Variants in APLP2 observed in about 807,000 individuals in gnomAD.
APLP2 encodes the protein CDEI box-binding protein.
APLP2 carries 53 observed loss-of-function variants against 89.9 expected under a neutral mutation model. The observed-to-expected ratio is 0.59, with a 90% CI of 0.47 to 0.74. APLP2 has a LOEUF of 0.74. APLP2 is among the 30% of genes least tolerant of loss of function. The pLI, the probability that APLP2 is intolerant of heterozygous loss-of-function variation, is 0.00. For missense variants in APLP2, 973 were observed against 975.9 expected, an observed-to-expected ratio of 1.00 and a Z score of 0.04; for synonymous variants, 372 against 348.6, an observed-to-expected ratio of 1.07 and a Z score of -0.75.
At position 130,083,672 on chromosome 11, in the gene APLP2, A is replaced by G. The variant is rs977780669; in HGVS notation, c.105+13590A>G. ...TGTGGCAGAATTTACATTTTTTTTA[A>G]GGCTGAACAATATTCCATTTTATGT... On this transcript the variant is annotated intron_variant, in intron 1 of 16. Coordinates refer to ENST00000338167, the MANE Select transcript of APLP2 (RefSeq NM_001142276.2). Among the ~76,000 whole-genome samples the G allele has an allele frequency of 2.0e-5, 3 of 151,926 alleles. No individual in the cohort carries two copies. The East Asian group carries it at 5.8e-4, about 29-fold the overall frequency.
At chr11:130,091,387 C>G (rs1241545642) in intron 1 of APLP2, among the ~76,000 whole-genome samples, 12 of 147,370 alleles carry the variant, frequency 8.1e-5, no homozygotes, top group African/African-American at 2.9e-4. Context: ...TACCTCCCTC[C>G]CGGATGGGGC....
intron 1 of APLP2, chr11:130,070,434 A>C (rs1940740374): frequency 1.9e-5 from 7 of 370,636 alleles, no homozygotes; most frequent in East Asian, 1.5e-4. Context: ...GGACAATGCC[A>C]GGGCGCTCCT....
Position 130,143,343 on chromosome 11 carries a change from C to T in APLP2, c.2155-4C>T. The T allele has an allele frequency of 3.1e-6, 5 of 1,613,754 alleles. No individual in the cohort carries two copies. Among genetic ancestry groups the T allele is most frequent in the Non-Finnish European group, 4.2e-6 (5 of 1,179,872 alleles). Reference sequence around the variant, plus strand: ...ACAATGACCCTCAGGTTTTGTTCTTCCAGGTTGATCCAATGCTCACCCCAG... The same window carrying T: ...ACAATGACCCTCAGGTTTTGTTCTTTCAGGTTGATCCAATGCTCACCCCAG... On this transcript the variant is annotated splice_polypyrimidine_tract_variant and splice_region_variant and intron_variant, in intron 16 of 16. Transcript: ENST00000338167.
At position 130,128,705 on chromosome 11, in the gene APLP2, C is replaced by A. The variant is rs139644146; in HGVS notation, c.1297-343C>A. Among the ~76,000 whole-genome samples the A allele has an allele frequency of 2.0e-5, 3 of 152,236 alleles. No individual in the cohort carries two copies. In the East Asian group the frequency reaches 5.8e-4, roughly 29 times the overall value. On this transcript the variant is annotated intron_variant, in intron 9 of 16. Coordinates refer to ENST00000338167, the MANE Select transcript of APLP2 (RefSeq NM_001142276.2). ...TGGTCTCAGAGTTTGGAAGTTAGTG[C>A]CTTGCTGCAATGTGGGAAGGACAGT...
At position 130,143,328 on chromosome 11, in the gene APLP2, T is replaced by G; in HGVS notation, c.2155-19T>G. 1 of 1,610,452 alleles carries G rather than the reference T, an allele frequency of 6.2e-7. No homozygotes were observed. The highest frequency in any genetic ancestry group is 8.5e-7 in the Non-Finnish European group (1 of 1,177,090). On this transcript the variant is annotated intron_variant, in intron 16 of 16. Transcript: ENST00000338167. ...CTCTTCCCAGACACCACAATGACCC[T>G]CAGGTTTTGTTCTTCCAGGTTGATC...
intron 1 of APLP2, among the ~76,000 whole-genome samples, chr11:130,093,010 G>A: frequency 6.6e-6 from 1 of 152,150 alleles, no homozygotes; most frequent in South Asian, 2.1e-4. Context: ...CTAAATGTGA[G>A]CATTTAGCCC....
intron 1 of APLP2, among the ~76,000 whole-genome samples, chr11:130,103,825 A>G (rs1324526086): frequency 1.3e-5 from 2 of 152,260 alleles, no homozygotes; most frequent in East Asian, 3.9e-4. Flanking sequence ...ACCACCTGAA[A>G]TCTGATTTGT....
In APLP2 at chr11:130,097,247, C is replaced by T. The variant is rs139215432; in HGVS notation, c.106-12182C>T. Among the ~76,000 whole-genome samples, 44 of 152,248 alleles carry T rather than the reference C, an allele frequency of 2.9e-4. No individual in the cohort carries two copies. The East Asian group carries it at 7.9e-3, about 27-fold the overall frequency. On this transcript the variant is annotated intron_variant, in intron 1 of 16. Transcript: ENST00000338167. ...TGTGTGCACCTAATAAAATGTTTAG[C>T]GGAATGACTATAGAAATTTGTATTT...
At chr11:130,136,001 G>A (rs572474133) in intron 13 of APLP2, among the ~76,000 whole-genome samples, 2 of 152,288 alleles carry the variant, frequency 1.3e-5, no homozygotes, top group East Asian at 3.9e-4. Context: ...CTTACATGGG[G>A]GAGGCACTTG....
At chr11:130,116,196 C>T (rs1220521377) in intron 3 of APLP2, among the ~76,000 whole-genome samples, 1 of 151,804 alleles carries the variant, frequency 6.6e-6, no homozygotes, top group Non-Finnish European at 1.5e-5. Flanking sequence ...TAAAGTTGGC[C>T]TTAAGTAACT....
chr11:130,116,721 C>T (rs1949223000), intron 3 of APLP2, among the ~76,000 whole-genome samples: 2 of 152,210 alleles, frequency 1.3e-5, no homozygotes, highest in African/African-American at 2.4e-5. Flanking sequence ...ATCCACCTGC[C>T]TCAGCCTCAT....
In APLP2 at chr11:130,131,250, C is replaced by A. The variant is rs57107195; in HGVS notation, c.1584+1084C>A. ...AGTAGCTGGGATTACAGGTGCCCAC[C>A]ACAGTACCTGGTTAAGTTTTGTAGT... On this transcript the variant is annotated intron_variant, in intron 11 of 16. Transcript: ENST00000338167. 4.8e-3 allele frequency among the ~76,000 whole-genome samples: 731 copies of A among 151,958 alleles called. 5 individuals carry two copies. Among genetic ancestry groups the A allele is most frequent in the African/African-American group, 0.017 (696 of 41,526 alleles).
chr11:130,080,969 G>C (rs979535419), intron 1 of APLP2, among the ~76,000 whole-genome samples: 5 of 151,986 alleles, frequency 3.3e-5, no homozygotes, highest in African/African-American at 1.2e-4. Flanking sequence ...GATTACAGGC[G>C]TGAGCCACCA....
Position 130,123,879 on chromosome 11 carries a change from C to T in APLP2, c.1090+100C>T. 1 of 1,338,978 alleles carries T rather than the reference C, an allele frequency of 7.5e-7. No homozygotes were observed. Among genetic ancestry groups the T allele is most frequent in the Non-Finnish European group, 1.0e-6 (1 of 963,536 alleles). The allele number at this position is 1,338,978 out of a possible 1,614,324, so 82.9% of individuals were successfully genotyped here. A position where few individuals can be genotyped will look rare whatever the true frequency, so the allele number is the denominator to read the frequency against. On this transcript the variant is annotated intron_variant, in intron 7 of 16. Coordinates refer to ENST00000338167, the MANE Select transcript of APLP2 (RefSeq NM_001142276.2). The surrounding 1 kb of genome is among the most constrained non-coding windows in gnomAD (Gnocchi z 4.0). Reference sequence around the variant, plus strand: ...GCTGCATCTGTGTGGTGTCCCTGCCCACTCGGGTGTTTGCTGTCGGTCGTC... The same window carrying T: ...GCTGCATCTGTGTGGTGTCCCTGCCTACTCGGGTGTTTGCTGTCGGTCGTC...
chr11:130,137,774 C>G (rs1052171595), intron 13 of APLP2, among the ~76,000 whole-genome samples: 2 of 152,126 alleles, frequency 1.3e-5, no homozygotes, highest in Non-Finnish European at 2.9e-5. Context: ...TCTCATGTCC[C>G]CTGAGTTGTA....
At chr11:130,070,693 AT>A (rs1228960258) in intron 1 of APLP2, 6 of 1,477,678 alleles carry the variant, frequency 4.1e-6, no homozygotes, top group Admixed American at 2.3e-5. Flanking sequence ...GCGGACGCGC[AT>A]TTTTTAAGTG....
chr11:130,116,938 TG>T (rs1203884254), intron 3 of APLP2, among the ~76,000 whole-genome samples: 2 of 151,982 alleles, frequency 1.3e-5, no homozygotes, highest in East Asian at 3.9e-4. Context: ...AAGACCAGCC[TG>T]ACCAACACGG....
At chr11:130,083,969 G>A (rs947577112) in intron 1 of APLP2, among the ~76,000 whole-genome samples, 9 of 152,292 alleles carry the variant, frequency 5.9e-5, no homozygotes, top group African/African-American at 1.4e-4. Context: ...TTTCTCGGCC[G>A]GGCGCGGTGC....
At chr11:130,117,762 G>A (rs1949362786) in intron 3 of APLP2, among the ~76,000 whole-genome samples, 1 of 152,158 alleles carries the variant, frequency 6.6e-6, no homozygotes, top group African/African-American at 2.4e-5. Flanking sequence ...CCAAGGTGTT[G>A]TATAGATTGA....
Sources: allele counts gnomAD v4.1 joint callset (sites outside exome capture counted in the v4.1 genomes callset), GRCh38; gene constraint gnomAD v4.1.1; non-coding constraint Gnocchi (gnomAD v3.1); transcripts MANE v1.5; gene names NCBI Gene and HGNC (gene_info 2026-07-23, HGNC 2026-07-21).